Variants in HS3ST4 observed in about 807,000 individuals in gnomAD.
HS3ST4 encodes heparan sulfate glucosamine 3-O-sulfotransferase 4.
A neutral mutation model predicts 29.2 loss-of-function variants in HS3ST4; 17 were observed. That is an observed-to-expected ratio of 0.58 (90% CI 0.40 to 0.87). HS3ST4 has a LOEUF of 0.87. Among genes scored for constraint, HS3ST4 ranks in the 40% least tolerant of loss-of-function variants. The pLI is 0.00. For synonymous variants in HS3ST4, 314 were observed against 285.7 expected (o/e 1.10, Z -1.00); for missense variants, 627 against 634.5 (o/e 0.99, Z 0.13).
intron 1 of HS3ST4, among the ~76,000 whole-genome samples, chr16:25,909,682 G>A (rs1185717653): frequency 6.6e-6 from 1 of 152,064 alleles, no homozygotes; most frequent in Non-Finnish European, 1.5e-5. Context: ...TTCTACTTGC[G>A]GTATCTCATT....
chr16:25,965,327 A>G (rs1023173607), intron 1 of HS3ST4, among the ~76,000 whole-genome samples: 2 of 151,590 alleles, frequency 1.3e-5, no homozygotes. Context: ...AGGAGAATCA[A>G]TTGAACCTGG....
intron 1 of HS3ST4, among the ~76,000 whole-genome samples, chr16:25,956,510 G>T (rs966358710): frequency 6.6e-6 from 1 of 152,168 alleles, no homozygotes; most frequent in African/African-American, 2.4e-5. Context: ...TGGAAAAGAG[G>T]AAGTCAAACT....
chr16:25,699,431 A>T (rs1371205816), intron 1 of HS3ST4, among the ~76,000 whole-genome samples: 2 of 152,214 alleles, frequency 1.3e-5, no homozygotes, highest in African/African-American at 4.8e-5. Context: ...AACTGGGGAA[A>T]TTCTCAATTT....
chr16:25,940,993 T>A (rs1025594291), intron 1 of HS3ST4, among the ~76,000 whole-genome samples: 1 of 152,234 alleles, frequency 6.6e-6, no homozygotes, highest in Non-Finnish European at 1.5e-5. Context: ...CCTGGGATAC[T>A]CTTACATTAG....
chr16:25,835,674 C>G (rs1481918799), intron 1 of HS3ST4, among the ~76,000 whole-genome samples: 1 of 152,140 alleles, frequency 6.6e-6, no homozygotes, highest in Non-Finnish European at 1.5e-5. Context: ...GTGGAGAAGT[C>G]AGAAGTCAAA....
At chr16:25,741,390 A>AAAAAG (rs1596557792) in intron 1 of HS3ST4, among the ~76,000 whole-genome samples, 1 of 143,926 alleles carries the variant, frequency 6.9e-6, no homozygotes, top group African/African-American at 2.6e-5. Context: ...AAAAAAAAAA[A>AAAAAG]GGCGGGGGGA....
At chr16:25,909,729 G>C (rs774808427) in intron 1 of HS3ST4, among the ~76,000 whole-genome samples, 1 of 152,142 alleles carries the variant, frequency 6.6e-6, no homozygotes, top group Non-Finnish European at 1.5e-5. Context: ...AGTCTTTATC[G>C]TGAGTCTCTT....
rs186334746 is a variant in HS3ST4, at chr16:25,758,520, C to T, written c.734+65369C>T. Among the ~76,000 whole-genome samples the T allele has an allele frequency of 2.1e-3, 317 of 152,272 alleles. 4 individuals are homozygous for T. The highest frequency in any genetic ancestry group is 7.1e-4 in the Non-Finnish European group (48 of 68,018). On this transcript the variant is annotated intron_variant, in intron 1 of 1. Transcript: ENST00000331351. The stretch of plus-strand genomic sequence containing the variant: ...TCTGGGGCCTCAAGGATGCCTAGGC[C>T]TGGGCTTTCTCATTTATCTGAACTT...
At chr16:25,837,968 A>G (rs1435638673) in intron 1 of HS3ST4, among the ~76,000 whole-genome samples, 2 of 152,020 alleles carry the variant, frequency 1.3e-5, no homozygotes, top group East Asian at 3.9e-4. Flanking sequence ...CGCAGTGTCT[A>G]CTGTTGCCAT....
At chr16:26,017,994 TTA>T (rs1396092919) in intron 1 of HS3ST4, among the ~76,000 whole-genome samples, 1 of 152,118 alleles carries the variant, frequency 6.6e-6, no homozygotes, top group African/African-American at 2.4e-5. Context: ...TTAGGAAGGA[TTA>T]TAGGTGAGTT....
At chr16:25,820,547 C>G (rs1345395545) in intron 1 of HS3ST4, among the ~76,000 whole-genome samples, 1 of 151,936 alleles carries the variant, frequency 6.6e-6, no homozygotes, top group African/African-American at 2.4e-5. Flanking sequence ...GTGCATGCCA[C>G]CCTGCCTGGC....
chr16:26,076,848 C>T (rs1481608099), intron 1 of HS3ST4, among the ~76,000 whole-genome samples: 1 of 152,166 alleles, frequency 6.6e-6, no homozygotes. Flanking sequence ...TTCTTTCAGC[C>T]ACACTGGCCA....
At chr16:25,916,805 G>A (rs902324985) in intron 1 of HS3ST4, among the ~76,000 whole-genome samples, 2 of 148,306 alleles carry the variant, frequency 1.3e-5, no homozygotes, top group South Asian at 2.1e-4. Context: ...TCAGCCTCCC[G>A]AGTAGCTGGG....
At chr16:25,829,876 T>G (rs1967275686) in intron 1 of HS3ST4, among the ~76,000 whole-genome samples, 2 of 152,100 alleles carry the variant, frequency 1.3e-5, no homozygotes, top group Non-Finnish European at 2.9e-5. Flanking sequence ...CAGGTGGGAG[T>G]GCAGTGGTGC....
chr16:25,849,740 C>T (rs1489430372), intron 1 of HS3ST4, among the ~76,000 whole-genome samples: 1 of 151,874 alleles, frequency 6.6e-6, no homozygotes, highest in Admixed American at 6.6e-5. Context: ...CTCCTGGGCT[C>T]AAGCAATTTG....
At chr16:25,882,437 A>G (rs937136348) in intron 1 of HS3ST4, among the ~76,000 whole-genome samples, 2 of 152,150 alleles carry the variant, frequency 1.3e-5, no homozygotes, top group African/African-American at 2.4e-5. Context: ...GCAGAGGGCT[A>G]TGTCAGCTTC....
intron 1 of HS3ST4, among the ~76,000 whole-genome samples, chr16:25,768,275 T>C (rs758993974): frequency 6.6e-6 from 1 of 152,222 alleles, no homozygotes; most frequent in Non-Finnish European, 1.5e-5. Flanking sequence ...TCCAGACTCA[T>C]TTATTTGCTT....
At position 25,777,550 on chromosome 16, in the gene HS3ST4, C is replaced by G. The variant is rs560539728; in HGVS notation, c.734+84399C>G. Among the ~76,000 whole-genome samples the G allele has an allele frequency of 1.3e-4, 20 of 152,206 alleles. No individual in the cohort carries two copies. In the South Asian group the frequency reaches 2.7e-3, roughly 21 times the overall value. ...TTGGGAGGCTGAGGCGGGTGGATCA[C>G]CTGAGGTCAGGAGTTTGAGACGAGC... On this transcript the variant is annotated intron_variant, in intron 1 of 1. Transcript: ENST00000331351.
intron 1 of HS3ST4, chr16:25,824,678 A>C (rs977008337): frequency 1.3e-5 from 2 of 152,196 alleles, no homozygotes; most frequent in African/African-American, 4.8e-5. Context: ...GGGTGGGGAC[A>C]CAGCCAAACC....
Sources: allele counts gnomAD v4.1 joint callset (sites outside exome capture counted in the v4.1 genomes callset), GRCh38; gene constraint gnomAD v4.1.1; transcripts MANE v1.5; gene names NCBI Gene and HGNC (gene_info 2026-07-23, HGNC 2026-07-21).